The following PLCXD2 variants were observed in gnomAD, a reference collection of about 807,000 sequenced individuals.
PLCXD2 encodes PI-PLC X domain-containing protein 2.
Under a neutral mutation model 28.6 loss-of-function variants are expected in PLCXD2, and 21 were observed. That is an observed-to-expected ratio of 0.73 (90% CI 0.52 to 1.06). The LOEUF (loss-of-function observed/expected upper bound fraction) is 1.06. Ranked by LOEUF, PLCXD2 falls within the 50% of genes least tolerant of loss-of-function variation. PLCXD2 has a pLI of 0.00. For synonymous variants in PLCXD2, 140 were observed against 150.1 expected (o/e 0.93, Z 0.49); for missense variants, 369 against 376.7 (o/e 0.98, Z 0.17).
chr3:111,704,987 A>G (rs768456441), intron 1 of PLCXD2, among the ~76,000 whole-genome samples: 5 of 151,642 alleles, frequency 3.3e-5, no homozygotes, highest in Non-Finnish European at 5.9e-5. Flanking sequence ...TAATTTTTCT[A>G]TTTTTTTAAG....
At chr3:111,675,472 GT>G in intron 1 of PLCXD2, 64 bp downstream of exon 1, 1 of 1,585,164 alleles carries the variant, frequency 6.3e-7, no homozygotes. Context: ...TTGTTAAGGG[GT>G]TGGGTTGCTT....
At chr3:111,676,020 G>A (rs1460524831) in intron 1 of PLCXD2, among the ~76,000 whole-genome samples, 1 of 152,196 alleles carries the variant, frequency 6.6e-6, no homozygotes, top group East Asian at 1.9e-4. Context: ...ATGTATGTAT[G>A]TATACAGGTG....
Position 111,675,386 on chromosome 3 carries a change from C to A in PLCXD2, c.141C>A (p.Pro47=), listed in dbSNP as rs776210060. 1.2e-6 allele frequency: 2 copies of A among 1,614,190 alleles called. No homozygotes were observed. Among genetic ancestry groups the A allele is most frequent in the South Asian group, 1.1e-5 (1 of 91,082 alleles). Residue 47 remains proline, a synonymous_variant, in exon 1 of 5, where the codon CCC becomes CCA. Coordinates refer to ENST00000477665, the MANE Select transcript of PLCXD2 (RefSeq NM_001185106.1). ...TCCCCCCTCACCTCCACAACCTCCC[C>A]CTTTCCAATCTGGCAATCCCAGGTA...
At chr3:111,685,410 A>G (rs1398755253) in intron 1 of PLCXD2, among the ~76,000 whole-genome samples, 5 of 152,120 alleles carry the variant, frequency 3.3e-5, no homozygotes, top group Non-Finnish European at 7.3e-5. Flanking sequence ...TAGCTTGTGT[A>G]TACTATACCA....
In PLCXD2 at chr3:111,695,554, T is replaced by TG. The variant is rs1278807481; in HGVS notation, c.164-12370dup. ...ACTGTGAAACTGCAACAGGCATGCT[T>TG]GGCCATGCTTATGTCTCTAAGAACT... On this transcript the variant is annotated intron_variant, in intron 1 of 4. Coordinates refer to ENST00000477665, the MANE Select transcript of PLCXD2 (RefSeq NM_001185106.1). 1.4e-4 allele frequency among the ~76,000 whole-genome samples: 21 copies of TG among 152,266 alleles called. 1 individual carries two copies. The highest frequency in any genetic ancestry group is 1.4e-3 in the Admixed American group (21 of 15,290).
At chr3:111,702,937 T>A (rs1346730257) in intron 1 of PLCXD2, among the ~76,000 whole-genome samples, 2 of 152,234 alleles carry the variant, frequency 1.3e-5, no homozygotes, top group Non-Finnish European at 2.9e-5. Flanking sequence ...ACATGGTTTA[T>A]AAATATTGTA....
intron 2 of PLCXD2, 103 bp downstream of exon 2, chr3:111,708,489 TAA>T: frequency 9.1e-7 from 1 of 1,100,198 alleles, no homozygotes. Flanking sequence ...GCTCTTAGGC[TAA>T]AGAGTGGATT....
At chr3:111,702,308 A>G (rs370117186) in intron 1 of PLCXD2, among the ~76,000 whole-genome samples, 3 of 152,262 alleles carry the variant, frequency 2.0e-5, no homozygotes, top group African/African-American at 7.2e-5. Context: ...ACCAAGAAGA[A>G]TATGGCCATT....
intron 2 of PLCXD2, among the ~76,000 whole-genome samples, chr3:111,711,293 A>G (rs1941196442): frequency 1.3e-5 from 2 of 152,182 alleles, no homozygotes; most frequent in African/African-American, 4.8e-5. Flanking sequence ...AATCCCAGCT[A>G]CTCGGCAGGC....
At chr3:111,722,376 G>T (rs1941358873) in intron 3 of PLCXD2, 1 of 152,082 alleles carries the variant, frequency 6.6e-6, no homozygotes, top group Non-Finnish European at 1.5e-5. Flanking sequence ...TTCATGTCCT[G>T]GCTCCCCCAG....
Position 111,700,816 on chromosome 3 carries a change from T to C in PLCXD2, c.164-7110T>C, listed in dbSNP as rs1335614023. On this transcript the variant is annotated intron_variant, in intron 1 of 4. Coordinates refer to ENST00000477665, the MANE Select transcript of PLCXD2 (RefSeq NM_001185106.1). ...CTGAAGGATGAAGTAAAGCCAATGC[T>C]GTGGGCTCTCAGACTGTGTAGGGCG... Among the ~76,000 whole-genome samples the C allele has an allele frequency of 3.4e-4, 51 of 152,062 alleles. 1 individual carries two copies. Among genetic ancestry groups the C allele is most frequent in the Admixed American group, 3.3e-3 (51 of 15,244 alleles).
chr3:111,694,963 T>C (rs1012507366), intron 1 of PLCXD2, among the ~76,000 whole-genome samples: 4 of 152,150 alleles, frequency 2.6e-5, no homozygotes, highest in Non-Finnish European at 4.4e-5. Context: ...AATGAAGTAG[T>C]GGTTTCTCTA....
chr3:111,707,072 A>G (rs1941130906), intron 1 of PLCXD2, among the ~76,000 whole-genome samples: 1 of 152,334 alleles, frequency 6.6e-6, no homozygotes, highest in South Asian at 2.1e-4. Flanking sequence ...ACTATAGACC[A>G]AACAGGCATA....
At chr3:111,675,511 A>G in intron 1 of PLCXD2, 103 bp downstream of exon 1, 1 of 1,372,530 alleles carries the variant, frequency 7.3e-7, no homozygotes, top group Non-Finnish European at 1.0e-6. Flanking sequence ...ATTAATTGTC[A>G]GTGACCCCTT....
intron 3 of PLCXD2, among the ~76,000 whole-genome samples, chr3:111,715,044 G>A (rs1222303929): frequency 6.6e-6 from 1 of 152,050 alleles, no homozygotes; most frequent in Non-Finnish European, 1.5e-5. Flanking sequence ...CTGAGTTTAG[G>A]TAACATGAGT....
chr3:111,709,290 A>T lies in PLCXD2; in HGVS notation c.624+904A>T, dbSNP rs377408588. On this transcript the variant is annotated intron_variant, in intron 2 of 4. Transcript: ENST00000477665. ...GCCAAGTAACCTCTAAGGACTAGGG[A>T]TAAATTAGTAAATAAAATAGACAAA... Among the ~76,000 whole-genome samples, 159 of 152,312 alleles carry T rather than the reference A, an allele frequency of 1.0e-3. 5 individuals are homozygous for T. In the South Asian group the frequency reaches 0.032, roughly 31 times the overall value.
chr3:111,682,441 C>T (rs1459476356), intron 1 of PLCXD2, among the ~76,000 whole-genome samples: 10 of 152,150 alleles, frequency 6.6e-5, no homozygotes, highest in Admixed American at 6.5e-4. Flanking sequence ...TACTCTAGAA[C>T]TGTCAGCTGT....
At chr3:111,714,473 A>G (rs1401763287) in intron 3 of PLCXD2, among the ~76,000 whole-genome samples, 2 of 152,198 alleles carry the variant, frequency 1.3e-5, no homozygotes, top group Non-Finnish European at 2.9e-5. Context: ...CACTCATTTA[A>G]GAAGCATTCA....
intron 3 of PLCXD2, among the ~76,000 whole-genome samples, chr3:111,717,775 CTT>C (rs995576163): frequency 3.1e-4 from 47 of 152,164 alleles, no homozygotes; most frequent in Admixed American, 6.5e-4. Context: ...AAAATGAAGT[CTT>C]GAATCTATCA....
Sources: allele counts gnomAD v4.1 joint callset (sites outside exome capture counted in the v4.1 genomes callset), GRCh38; gene constraint gnomAD v4.1.1; transcripts MANE v1.5; gene names NCBI Gene and HGNC (gene_info 2026-07-23, HGNC 2026-07-21).